UGT1A4: variants seen among roughly 807,000 people sequenced by gnomAD.
The protein encoded by UGT1A4 is UDP-glucuronosyltransferase 1A4.
A neutral mutation model predicts 41.1 loss-of-function variants in UGT1A4; 32 were observed. The ratio of observed to expected loss-of-function variants is 0.78; its 90% CI spans 0.59 to 1.05. The LOEUF (loss-of-function observed/expected upper bound fraction) is 1.05, where lower values mean the gene tolerates loss of function less well. Among genes scored for constraint, UGT1A4 ranks in the 50% least tolerant of loss-of-function variants. The pLI, the probability that UGT1A4 is intolerant of heterozygous loss-of-function variation, is 0.00. For synonymous variants in UGT1A4, 283 were observed against 265.1 expected, an observed-to-expected ratio of 1.07 and a Z score of -0.66; for missense variants, 748 against 677.4, an observed-to-expected ratio of 1.10 and a Z score of -1.16.
At chr2:233,738,115 G>T (rs1249005866) in intron 1 of UGT1A4, among the ~76,000 whole-genome samples, 5 of 152,176 alleles carry the variant, frequency 3.3e-5, no homozygotes, top group African/African-American at 1.2e-4. Flanking sequence ...AGATCTGATG[G>T]TTTTATAAGG....
Position 233,757,535 on chromosome 2 carries a change from A to AATATATATATATATATATATATAT in UGT1A4, c.868-9496_868-9473dup, listed in dbSNP as rs67292694. On this transcript the variant is annotated intron_variant, in intron 1 of 4. Transcript: ENST00000373409. ...CAAAGCCAAAATCTTGCCTGTAAGG[A>AATATATATATATATATATATATAT]ATATATATATATATATATATATATA... Among the ~76,000 whole-genome samples the AATATATATATATATATATATATAT allele has an allele frequency of 1.4e-3, 127 of 88,238 alleles. 1 individual carries two copies. The highest frequency in any genetic ancestry group is 9.2e-3 in the East Asian group (33 of 3,584). The allele number at this position is 88,238 out of a possible 152,430, so 57.9% of individuals were successfully genotyped here.
At chr2:233,760,220 G>C (rs1697349973) in intron 1 of UGT1A4, 2 of 1,593,686 alleles carry the variant, frequency 1.3e-6, no homozygotes, top group South Asian at 2.2e-5. Flanking sequence ...TTGGTGTATC[G>C]ATTGGTTTTT....
intron 1 of UGT1A4, chr2:233,754,551 G>A (rs1002351204): frequency 7.8e-6 from 3 of 386,102 alleles, no homozygotes; most frequent in African/African-American, 4.2e-5. Context: ...ATTACTTGGT[G>A]TCAATGGGGA....
In UGT1A4 at chr2:233,772,254, G is replaced by A. The variant is rs1700495336; in HGVS notation, c.1308-8G>A. 1 of 1,614,242 alleles carries A rather than the reference G, an allele frequency of 6.2e-7. No homozygotes were observed. The highest frequency in any genetic ancestry group is 8.5e-7 in the Non-Finnish European group (1 of 1,180,046). On this transcript the variant is annotated splice_polypyrimidine_tract_variant and splice_region_variant and intron_variant, in intron 4 of 4. Transcript: ENST00000373409. The stretch of plus-strand genomic sequence containing the variant: ...TTCCAGGCATAACGAAACTGTCTTT[G>A]TGTTTAGTTACAAGGAGAACATCAT...
chr2:233,755,210 C>A, intron 1 of UGT1A4: 1 of 1,056,306 alleles, frequency 9.5e-7, no homozygotes, highest in Non-Finnish European at 1.4e-6. Flanking sequence ...GGTACGCCTT[C>A]TTGATACCCT....
intron 1 of UGT1A4, among the ~76,000 whole-genome samples, chr2:233,753,927 T>C (rs943116990): frequency 6.6e-6 from 1 of 152,224 alleles, no homozygotes; most frequent in Non-Finnish European, 1.5e-5. Flanking sequence ...CTCAGTGATA[T>C]GGGATTCAAA....
At chr2:233,746,121 A>T (rs1693307718) in intron 1 of UGT1A4, among the ~76,000 whole-genome samples, 1 of 151,800 alleles carries the variant, frequency 6.6e-6, no homozygotes, top group Non-Finnish European at 1.5e-5. Context: ...TGTCTGCAAA[A>T]CTGTGGACTG....
chr2:233,740,012 T>A (rs1691282549), intron 1 of UGT1A4, among the ~76,000 whole-genome samples: 1 of 151,864 alleles, frequency 6.6e-6, no homozygotes, highest in African/African-American at 2.4e-5. Flanking sequence ...AAGTGAGTTC[T>A]CATGAGAGCT....
At position 233,773,293 on chromosome 2, in the gene UGT1A4, A is replaced by C. The variant is rs1290134629; in HGVS notation, c.*734A>C. The C allele has an allele frequency of 1.3e-5, 2 of 152,208 alleles. No homozygotes were observed. Among genetic ancestry groups the C allele is most frequent in the African/African-American group, 4.8e-5 (2 of 41,466 alleles). The allele number at this position is 152,208 out of a possible 1,614,324, so 9.4% of individuals were successfully genotyped here. ...TAAAAATAAATTAATAAATTTATAT[A>C]AATTCTATTTAAGTGTTTTCACTGG... is the stretch of plus-strand genomic sequence containing the variant. On this transcript the variant is annotated 3_prime_UTR_variant, in exon 5 of 5. Transcript: ENST00000373409.
intron 1 of UGT1A4, chr2:233,743,822 G>A (rs764939970): frequency 2.6e-5 from 36 of 1,367,122 alleles, no homozygotes; most frequent in Admixed American, 3.8e-5. Context: ...GTTTTTGTCG[G>A]GGTGCCACTT....
At chr2:233,724,084 T>C (rs1206273718) in intron 1 of UGT1A4, among the ~76,000 whole-genome samples, 23 of 99,034 alleles carry the variant, frequency 2.3e-4, no homozygotes, top group African/African-American at 1.2e-3. Flanking sequence ...GCAGAGGGGC[T>C]CCTCACTTCC....
At chr2:233,765,894 C>A (rs527736361) in intron 1 of UGT1A4, among the ~76,000 whole-genome samples, 1 of 152,060 alleles carries the variant, frequency 6.6e-6, no homozygotes, top group Non-Finnish European at 1.5e-5. Flanking sequence ...CAGTGCGCCA[C>A]TGCTCAAACC....
chr2:233,772,929 C>T lies in UGT1A4; in HGVS notation c.*370C>T, dbSNP rs1186146273. On this transcript the variant is annotated 3_prime_UTR_variant, in exon 5 of 5. Transcript: ENST00000373409. ...CCCTACTGCAAATGGCAGTTTTAAT[C>T]TTATCTTTTGGCTTCTGCAGATGGT... The T allele has an allele frequency of 5.6e-6, 2 of 355,154 alleles. No individual in the cohort carries two copies. Among genetic ancestry groups the T allele is most frequent in the Non-Finnish European group, 1.0e-5 (2 of 197,036 alleles). The allele number at this position is 355,154 out of a possible 1,614,324, so 22.0% of individuals were successfully genotyped here. A position where few individuals can be genotyped will look rare whatever the true frequency, so the allele number is the denominator to read the frequency against.
chr2:233,763,660 ACTC>A (rs2126005319), intron 1 of UGT1A4, among the ~76,000 whole-genome samples: 1 of 152,174 alleles, frequency 6.6e-6, no homozygotes, highest in South Asian at 2.1e-4. Context: ...TCTTGATAAA[ACTC>A]CTGAACTTTA....
At chr2:233,766,909 C>G in intron 1 of UGT1A4, 125 bp from the exon 2 acceptor site, 2 of 1,513,870 alleles carry the variant, frequency 1.3e-6, no homozygotes, top group South Asian at 1.3e-5. Flanking sequence ...ATTTTTTACT[C>G]TATCTCAAAC....
chr2:233,760,187 A>G, intron 1 of UGT1A4: 1 of 1,561,346 alleles, frequency 6.4e-7, no homozygotes, highest in East Asian at 2.3e-5. Flanking sequence ...TTTTATAGTC[A>G]CGTGACACAG....
chr2:233,742,223 A>G (rs1691912162), intron 1 of UGT1A4, among the ~76,000 whole-genome samples: 1 of 151,938 alleles, frequency 6.6e-6, no homozygotes, highest in South Asian at 2.1e-4. Flanking sequence ...CAGGGCTGAG[A>G]GCCCCAAACA....
chr2:233,758,064 T>C (rs941779241), intron 1 of UGT1A4, among the ~76,000 whole-genome samples: 1 of 152,184 alleles, frequency 6.6e-6, no homozygotes, highest in African/African-American at 2.4e-5. Context: ...CTAACTTGAC[T>C]TTCTGGGCCT....
intron 1 of UGT1A4, among the ~76,000 whole-genome samples, chr2:233,761,451 T>A (rs1697772637): frequency 6.6e-6 from 1 of 152,220 alleles, no homozygotes; most frequent in South Asian, 2.1e-4. Context: ...ATGCTGGGTT[T>A]GGGGCACCCT....
Sources: allele counts gnomAD v4.1 joint callset (sites outside exome capture counted in the v4.1 genomes callset), GRCh38; gene constraint gnomAD v4.1.1; transcripts MANE v1.5; gene names NCBI Gene and HGNC (gene_info 2026-07-23, HGNC 2026-07-21).